PCDHGA1: variants seen among roughly 807,000 people sequenced by gnomAD.
PCDHGA1 encodes protocadherin gamma-A1.
Under a neutral mutation model 58.0 loss-of-function variants are expected in PCDHGA1, and 32 were observed. The observed-to-expected ratio is 0.55, with a 90% CI of 0.42 to 0.74. The LOEUF (loss-of-function observed/expected upper bound fraction) is 0.74, where lower values mean the gene tolerates loss of function less well. Among genes scored for constraint, PCDHGA1 ranks in the 30% least tolerant of loss-of-function variants. The pLI is 0.00. For missense variants in PCDHGA1, 1,205 were observed against 1,182.3 expected, an observed-to-expected ratio of 1.02 and a Z score of -0.28; for synonymous variants, 498 against 501.1, an observed-to-expected ratio of 0.99 and a Z score of 0.08.
chr5:141,348,926 A>C (rs918140752), intron 1 of PCDHGA1, among the ~76,000 whole-genome samples: 7 of 152,210 alleles, frequency 4.6e-5, no homozygotes, highest in Non-Finnish European at 7.3e-5. Flanking sequence ...CTTTGAACCA[A>C]GACTGGTTCT....
chr5:141,410,699 A>G (rs760193148), intron 1 of PCDHGA1: 1 of 1,478,344 alleles, frequency 6.8e-7, no homozygotes, highest in East Asian at 2.3e-5. Flanking sequence ...CTTTATTTTC[A>G]TATCTAGAAT....
intron 1 of PCDHGA1, chr5:141,376,742 A>C (rs1191231453): frequency 2.1e-6 from 1 of 487,580 alleles, no homozygotes; most frequent in Non-Finnish European, 3.5e-6. Flanking sequence ...TGCGGACTGC[A>C]GTGGCGCAAT....
chr5:141,404,550 C>A (rs372202008), intron 1 of PCDHGA1: 3 of 1,613,768 alleles, frequency 1.9e-6, no homozygotes, highest in Admixed American at 1.7e-5. Flanking sequence ...ATGCAGGTGA[C>A]GGCAAGTGAC....
Position 141,431,386 on chromosome 5 carries a change from C to A in PCDHGA1, c.2422-63421C>A. The stretch of plus-strand genomic sequence containing the variant: ...ACCGCGAAGAAAAGGCTGCTCACCA[C>A]CTGGTCCTTACGGCCTCCGACGGGG... On this transcript the variant is annotated intron_variant, in intron 1 of 3. Coordinates refer to ENST00000517417, the MANE Select transcript of PCDHGA1 (RefSeq NM_018912.3). The surrounding 1 kb of genome is among the most constrained non-coding windows in gnomAD (Gnocchi z 4.8). The A allele has an allele frequency of 6.2e-7, 1 of 1,613,924 alleles. No individual in the cohort carries two copies. Among genetic ancestry groups the A allele is most frequent in the Non-Finnish European group, 8.5e-7 (1 of 1,180,038 alleles).
In PCDHGA1 at chr5:141,417,855, G is replaced by T. The variant is rs1436078486; in HGVS notation, c.2422-76952G>T. The T allele has an allele frequency of 2.6e-6, 4 of 1,544,916 alleles. No individual in the cohort carries two copies. In the Admixed American group the frequency reaches 8.0e-5, roughly 31 times the overall value. ...GCGGGGACCCAGCGAGAACCCGAGC[G>T]AACGATGGGAGGGAGCTGCGCGCAG... On this transcript the variant is annotated intron_variant, in intron 1 of 3. Transcript: ENST00000517417.
At chr5:141,365,338 A>G in intron 1 of PCDHGA1, 1 of 1,614,022 alleles carries the variant, frequency 6.2e-7, no homozygotes, top group Non-Finnish European at 8.5e-7. Context: ...TGGTGGTCAC[A>G]GTACAGGACG....
At chr5:141,408,956 A>G in intron 1 of PCDHGA1, 1 of 1,613,714 alleles carries the variant, frequency 6.2e-7, no homozygotes, top group Non-Finnish European at 8.5e-7. Flanking sequence ...AATTAGTCTT[A>G]GTGAAAATCT....
intron 1 of PCDHGA1, chr5:141,478,068 A>G (rs560968418): frequency 3.7e-6 from 6 of 1,614,134 alleles, no homozygotes; most frequent in East Asian, 4.5e-5. Flanking sequence ...ATCAAAGACA[A>G]TGGGGAGCCT....
At chr5:141,480,497 A>G (rs909585240) in intron 1 of PCDHGA1, among the ~76,000 whole-genome samples, 6 of 152,236 alleles carry the variant, frequency 3.9e-5, no homozygotes, top group Non-Finnish European at 8.8e-5. Flanking sequence ...CCTTAGAAAT[A>G]CACATATGAG....
intron 1 of PCDHGA1, chr5:141,383,042 T>C (rs1397489820): frequency 6.2e-7 from 1 of 1,613,842 alleles, no homozygotes; most frequent in Non-Finnish European, 8.5e-7. Flanking sequence ...GTGGGAGACA[T>C]CGCCAAGGAC....
chr5:141,339,246 G>C (rs757510956), intron 1 of PCDHGA1: 6 of 1,614,174 alleles, frequency 3.7e-6, no homozygotes, highest in Non-Finnish European at 5.1e-6. Flanking sequence ...AGGATAGACC[G>C]GGAGGAGCTC....
In PCDHGA1 at chr5:141,489,637, T is replaced by G. The variant is rs1230531256; in HGVS notation, c.2422-5170T>G. The G allele has an allele frequency of 6.2e-6, 10 of 1,614,032 alleles. No homozygotes were observed. The highest frequency in any genetic ancestry group is 2.7e-5 in the African/African-American group (2 of 74,914). On this transcript the variant is annotated intron_variant, in intron 1 of 3. Transcript: ENST00000517417. The surrounding 1 kb of genome is among the most constrained non-coding windows in gnomAD (Gnocchi z 4.5). The stretch of plus-strand genomic sequence containing the variant: ...GGATCTCAATGACAACTCTCCTAGC[T>G]TTGCCACCCCTGAGCGAGAGATGCG...
intron 1 of PCDHGA1, chr5:141,391,234 G>C (rs2092322160): frequency 6.6e-6 from 1 of 151,932 alleles, no homozygotes; most frequent in African/African-American, 2.4e-5. Context: ...CCTTTTGCTA[G>C]GTATATCTAA....
At chr5:141,375,760 G>A (rs779640846) in intron 1 of PCDHGA1, 3 of 1,614,236 alleles carry the variant, frequency 1.9e-6, no homozygotes, top group African/African-American at 2.7e-5. Context: ...ATGACAATGC[G>A]CCCGAGATCC....
At position 141,485,791 on chromosome 5, in the gene PCDHGA1, G is replaced by A; in HGVS notation, c.2422-9016G>A. The A allele has an allele frequency of 6.2e-7, 1 of 1,614,196 alleles. No homozygotes were observed. The highest frequency in any genetic ancestry group is 8.5e-7 in the Non-Finnish European group (1 of 1,180,032). ...AGCCTTTGGATCGAGAGAAGCAATC[G>A]GACTACCGCCTGGTGCTGACTGCTG... On this transcript the variant is annotated intron_variant, in intron 1 of 3. Transcript: ENST00000517417. The surrounding 1 kb of genome is among the most constrained non-coding windows in gnomAD (Gnocchi z 5.7).
At chr5:141,346,844 T>G (rs1352354862) in intron 1 of PCDHGA1, among the ~76,000 whole-genome samples, 1 of 152,240 alleles carries the variant, frequency 6.6e-6, no homozygotes, top group Non-Finnish European at 1.5e-5. Flanking sequence ...CTTTTTCATT[T>G]TAAATCCCTG....
intron 1 of PCDHGA1, chr5:141,419,693 A>G (rs1241615790): frequency 6.2e-7 from 1 of 1,612,884 alleles, no homozygotes; most frequent in Non-Finnish European, 8.5e-7. Flanking sequence ...GGTGCAGGCC[A>G]GTGAGCCCGG....
rs778198822 is a variant in PCDHGA1 at position 141,432,802 on chromosome 5, A to G, written c.2422-62005A>G. 29 of 1,613,964 alleles carry G rather than the reference A, an allele frequency of 1.8e-5. No individual in the cohort carries two copies. The African/African-American group carries it at 3.6e-4, about 20-fold the overall frequency. On this transcript the variant is annotated intron_variant, in intron 1 of 3. Coordinates refer to ENST00000517417, the MANE Select transcript of PCDHGA1 (RefSeq NM_018912.3). This position sits in a 1 kb window ranked among gnomAD's most constrained non-coding sequence, Gnocchi z 6.0. ...CGGACCTCGGCAGCCTCGAGTCTCC[A>G]GCTAACTCTGAAACCTCAGACCTCA...
intron 1 of PCDHGA1, among the ~76,000 whole-genome samples, chr5:141,439,076 C>G (rs1358035789): frequency 6.6e-6 from 1 of 151,590 alleles, no homozygotes; most frequent in East Asian, 2.0e-4. Context: ...GCCTGTAATC[C>G]CAGCTACTCA....
Sources: allele counts gnomAD v4.1 joint callset (sites outside exome capture counted in the v4.1 genomes callset), GRCh38; gene constraint gnomAD v4.1.1; non-coding constraint Gnocchi (gnomAD v3.1); transcripts MANE v1.5; gene names NCBI Gene and HGNC (gene_info 2026-07-23, HGNC 2026-07-21).